DLGAP2: variants seen among roughly 807,000 people sequenced by gnomAD.
The protein encoded by DLGAP2 is DLG associated protein 2, also known as disks large-associated protein 2.
A neutral mutation model predicts 100.3 loss-of-function variants in DLGAP2; 26 were observed. The ratio of observed to expected loss-of-function variants is 0.26; its 90% CI spans 0.19 to 0.36. The LOEUF (loss-of-function observed/expected upper bound fraction) is 0.36, where lower values mean the gene tolerates loss of function less well. Among genes scored for constraint, DLGAP2 ranks in the 10% least tolerant of loss-of-function variants. DLGAP2 has a pLI of 1.00. For synonymous variants in DLGAP2, 886 were observed against 630.1 expected, an observed-to-expected ratio of 1.41 and a Z score of -6.08; for missense variants, 1,858 against 1,453.2, an observed-to-expected ratio of 1.28 and a Z score of -4.53.
chr8:1,420,340 C>T (rs1012865619), intron 3 of DLGAP2, among the ~76,000 whole-genome samples: 9 of 152,092 alleles, frequency 5.9e-5, no homozygotes, highest in Non-Finnish European at 7.4e-5. Context: ...AGCAAGAAGT[C>T]GCTCTATCAC....
At chr8:1,435,303 G>A (rs1797584134) in intron 3 of DLGAP2, among the ~76,000 whole-genome samples, 1 of 152,202 alleles carries the variant, frequency 6.6e-6, no homozygotes, top group South Asian at 2.1e-4. Flanking sequence ...TCGGAAGCAG[G>A]CAAGGGCTTT....
intron 2 of DLGAP2, among the ~76,000 whole-genome samples, chr8:1,137,146 C>T (rs934015380): frequency 2.0e-5 from 3 of 152,162 alleles, no homozygotes; most frequent in Admixed American, 6.5e-5. Context: ...GCGTGGCCTC[C>T]TCCTTGTGGC....
At chr8:1,077,573 C>G (rs543381975) in intron 2 of DLGAP2, among the ~76,000 whole-genome samples, 2 of 152,260 alleles carry the variant, frequency 1.3e-5, no homozygotes, top group South Asian at 4.2e-4. Context: ...AACTGGTGTG[C>G]TAACAAGAAG....
At chr8:740,270 C>T (rs1028885356) in intron 1 of DLGAP2, 2 of 152,216 alleles carry the variant, frequency 1.3e-5, no homozygotes, top group African/African-American at 4.8e-5. Context: ...GTCAACTTTT[C>T]ATAGTATTCA....
At chr8:906,957 G>A (rs1021649731) in intron 1 of DLGAP2, among the ~76,000 whole-genome samples, 2 of 152,150 alleles carry the variant, frequency 1.3e-5, no homozygotes, top group African/African-American at 4.8e-5. Context: ...AAGAATTGGC[G>A]GGGAGAGGGG....
At chr8:857,796 T>C (rs1327238316) in intron 1 of DLGAP2, among the ~76,000 whole-genome samples, 1 of 152,128 alleles carries the variant, frequency 6.6e-6, no homozygotes, top group Non-Finnish European at 1.5e-5. Context: ...ACATTTGCCA[T>C]GCCGTCTAGC....
chr8:1,063,585 T>C (rs1478407365), intron 2 of DLGAP2, among the ~76,000 whole-genome samples: 1 of 151,976 alleles, frequency 6.6e-6, no homozygotes, highest in Non-Finnish European at 1.5e-5. Flanking sequence ...TTAAATGGTA[T>C]TGTCTAGCCT....
intron 2 of DLGAP2, among the ~76,000 whole-genome samples, chr8:965,641 C>T (rs1420686804): frequency 7.0e-6 from 1 of 142,146 alleles, no homozygotes; most frequent in African/African-American, 2.8e-5. Context: ...CACTGTTCAC[C>T]ACACAGGGCT....
intron 2 of DLGAP2, among the ~76,000 whole-genome samples, chr8:1,075,744 C>T (rs1173321593): frequency 6.6e-6 from 1 of 151,932 alleles, no homozygotes; most frequent in Non-Finnish European, 1.5e-5. Flanking sequence ...TATGTCAGGG[C>T]TGAGTGATGA....
chr8:798,683 C>A (rs34523024), intron 1 of DLGAP2, among the ~76,000 whole-genome samples: 211 of 47,352 alleles, frequency 4.5e-3, no homozygotes, highest in Middle Eastern at 0.042. Flanking sequence ...ATGCTTGTTG[C>A]GTCAGGACCT....
Position 1,391,094 on chromosome 8 carries a change from A to C in DLGAP2, c.107-110272A>C, listed in dbSNP as rs117576631. 3.1e-3 allele frequency among the ~76,000 whole-genome samples: 473 copies of C among 152,342 alleles called. 12 individuals are homozygous for C. The East Asian group carries it at 0.051, about 16-fold the overall frequency. The stretch of plus-strand genomic sequence containing the variant: ...GAGTTGGACTAAGTCAGAAGAAAGA[A>C]GACGTTCCAAGAGTAGGAAGAAGCT... On this transcript the variant is annotated intron_variant, in intron 3 of 14. Transcript: ENST00000637795.
intron 3 of DLGAP2, among the ~76,000 whole-genome samples, chr8:1,322,835 T>C (rs1292181065): frequency 6.6e-6 from 1 of 152,236 alleles, no homozygotes; most frequent in Non-Finnish European, 1.5e-5. Flanking sequence ...AATGGTCCTA[T>C]ATTTGTAGGT....
chr8:1,604,329 T>C (rs1796724639), intron 6 of DLGAP2, among the ~76,000 whole-genome samples: 1 of 152,198 alleles, frequency 6.6e-6, no homozygotes, highest in Admixed American at 6.5e-5. Context: ...GCAAATGAAA[T>C]GGACAAAATT....
chr8:1,211,358 C>G (rs1271940653), intron 2 of DLGAP2, among the ~76,000 whole-genome samples: 1 of 152,198 alleles, frequency 6.6e-6, no homozygotes, highest in African/African-American at 2.4e-5. Flanking sequence ...AGCCAACGAT[C>G]TTGTTTTTCC....
intron 1 of DLGAP2, among the ~76,000 whole-genome samples, chr8:880,520 A>G (rs1421563942): frequency 1.3e-5 from 2 of 148,238 alleles, no homozygotes; most frequent in Non-Finnish European, 3.0e-5. Flanking sequence ...GTGACCGTCC[A>G]GTGTGTGTCC....
chr8:1,675,571 C>A (rs1173561314), intron 10 of DLGAP2, among the ~76,000 whole-genome samples: 1 of 152,220 alleles, frequency 6.6e-6, no homozygotes, highest in Admixed American at 6.5e-5. Flanking sequence ...TGTTAACGTG[C>A]AGCTCCTCTC....
At chr8:962,758 G>A (rs1269224893) in intron 2 of DLGAP2, among the ~76,000 whole-genome samples, 2 of 152,342 alleles carry the variant, frequency 1.3e-5, no homozygotes, top group South Asian at 2.1e-4. Context: ...TAGCGGCAGG[G>A]GTGGTCACGG....
chr8:743,157 GA>G (rs1269522984), intron 1 of DLGAP2, among the ~76,000 whole-genome samples: 16 of 152,202 alleles, frequency 1.1e-4, no homozygotes, highest in Admixed American at 2.6e-4. Flanking sequence ...AAGGACAAGG[GA>G]AAAAATGCTA....
intron 6 of DLGAP2, among the ~76,000 whole-genome samples, chr8:1,623,313 G>A (rs1797395635): frequency 6.6e-6 from 1 of 152,060 alleles, no homozygotes; most frequent in African/African-American, 2.4e-5. Flanking sequence ...GCATGACCTG[G>A]CACCAGTGTG....
Sources: gnomAD v4.1 joint callset for allele counts (sites outside exome capture counted in the v4.1 genomes callset) on GRCh38, gnomAD v4.1.1 for gene constraint, MANE v1.5 for transcripts, NCBI Gene and HGNC (gene_info 2026-07-23, HGNC 2026-07-21) for gene names.